SPI1: variants seen among roughly 807,000 people sequenced by gnomAD.
SPI1 encodes transcription factor PU.1.
A neutral mutation model predicts 30.7 loss-of-function variants in SPI1; 3 were observed. The observed-to-expected ratio is 0.10, with a 90% CI of 0.04 to 0.25. The LOEUF (loss-of-function observed/expected upper bound fraction) is 0.25, where lower values mean the gene tolerates loss of function less well. Among genes scored for constraint, SPI1 ranks in the 10% least tolerant of loss-of-function variants. SPI1 has a pLI of 1.00. For synonymous variants in SPI1, 169 were observed against 157.1 expected (o/e 1.08, Z -0.56); for missense variants, 261 against 371.5 (o/e 0.70, Z 2.45).
At chr11:47,363,791 C>T (rs945722135) in intron 2 of SPI1, among the ~76,000 whole-genome samples, 5 of 151,434 alleles carry the variant, frequency 3.3e-5, no homozygotes, top group South Asian at 2.1e-4. Context: ...AGTGAAACCC[C>T]GTCTCTACAA....
At chr11:47,356,342 TCACA>T (rs141558426) in intron 4 of SPI1, among the ~76,000 whole-genome samples, 10 of 149,716 alleles carry the variant, frequency 6.7e-5, no homozygotes, top group East Asian at 4.0e-4. Context: ...CACAACCCAC[TCACA>T]CACACCTGGT....
rs567293718 is a variant in SPI1, at chr11:47,359,592, G to A, written c.330+261C>T. Among the ~76,000 whole-genome samples the A allele has an allele frequency of 9.9e-5, 15 of 152,252 alleles. No homozygotes were observed. The South Asian group carries it at 2.5e-3, about 25-fold the overall frequency. On this transcript the variant is annotated intron_variant, in intron 3 of 4. Transcript: ENST00000378538. The surrounding 1 kb of genome is among the most constrained non-coding windows in gnomAD (Gnocchi z 5.1). ...TGAGGCCCAGGAGGGCCCACAACAA[G>A]GCGTTGGGATGGGGAGGCTTGGTGA... is the stretch of plus-strand genomic sequence containing the variant.
intron 2 of SPI1, among the ~76,000 whole-genome samples, chr11:47,361,207 T>TCA (rs1454538104): frequency 6.6e-6 from 1 of 152,028 alleles, no homozygotes; most frequent in East Asian, 1.9e-4. Flanking sequence ...TCTCTCTGTC[T>TCA]CACACACACA....
chr11:47,366,667 A>G (rs974118939), intron 2 of SPI1, among the ~76,000 whole-genome samples: 1 of 152,122 alleles, frequency 6.6e-6, no homozygotes, highest in African/African-American at 2.4e-5. Flanking sequence ...AAAATAGAAA[A>G]AAAATTAGCT....
At chr11:47,367,635 G>GA (rs1423994426) in intron 2 of SPI1, among the ~76,000 whole-genome samples, 2 of 142,554 alleles carry the variant, frequency 1.4e-5, no homozygotes, top group Non-Finnish European at 1.5e-5. Flanking sequence ...AAAAAAGAAA[G>GA]AAAAAAAGAA....
chr11:47,356,377 C>T (rs1472830905), intron 4 of SPI1, among the ~76,000 whole-genome samples: 4 of 150,270 alleles, frequency 2.7e-5, no homozygotes, highest in Non-Finnish European at 5.9e-5. Context: ...CATGCTCACA[C>T]CTCATTCACA....
In SPI1 at chr11:47,375,636, T is replaced by C; in HGVS notation, c.139A>G (p.Ser47Gly). 1 of 1,613,568 alleles carries C rather than the reference T, an allele frequency of 6.2e-7. No homozygotes were observed. The change falls in exon 2 of 5, where the codon AGC (serine) becomes GGC (glycine). Residue 47 changes from serine to glycine, a missense_variant. Transcript: ENST00000378538. The surrounding 1 kb of genome is among the most constrained non-coding windows in gnomAD (Gnocchi z 4.2). ...PYLSSDGESH[S>G]DHYWDFHPHH... ...GCGTGGCAGGCCCCGTACTCACCGC[T>C]ATGGCTCTCCCCATCACTGCTGAGA...
chr11:47,356,066 C>G (rs1295644124), intron 4 of SPI1, among the ~76,000 whole-genome samples: 1 of 151,788 alleles, frequency 6.6e-6, no homozygotes, highest in African/African-American at 2.4e-5. Flanking sequence ...CAGACTCACA[C>G]CCACATGCTC....
At chr11:47,372,050 C>T (rs2095936621) in intron 2 of SPI1, among the ~76,000 whole-genome samples, 1 of 152,168 alleles carries the variant, frequency 6.6e-6, no homozygotes, top group African/African-American at 2.4e-5. Flanking sequence ...TGAAAGCAGC[C>T]CCCCATGTAG....
At chr11:47,356,981 CAT>C (rs1024220496) in intron 4 of SPI1, among the ~76,000 whole-genome samples, 17 of 146,640 alleles carry the variant, frequency 1.2e-4, no homozygotes, top group Admixed American at 4.1e-4. Flanking sequence ...TGCTCACACA[CAT>C]GCTCACCTAT....
intron 2 of SPI1, among the ~76,000 whole-genome samples, chr11:47,372,068 G>T (rs2095936661): frequency 6.6e-6 from 1 of 151,188 alleles, no homozygotes; most frequent in African/African-American, 2.4e-5. Flanking sequence ...TAGACACTCC[G>T]CATTACATCT....
rs1173793957 is a variant in SPI1 at position 47,378,294 on chromosome 11, A to C, written c.45+15T>G. 2 of 1,613,192 alleles carry C rather than the reference A, an allele frequency of 1.2e-6. No individual in the cohort carries two copies. The highest frequency in any genetic ancestry group is 2.7e-5 in the African/African-American group (2 of 74,992). ...GGGCCACGGGTTGGGCTGGTGGAGG[A>C]GTCCCGGTACTCACAGGGGGGACGA... is the stretch of plus-strand genomic sequence containing the variant. On this transcript the variant is annotated intron_variant, in intron 1 of 4. Coordinates refer to ENST00000378538, the MANE Select transcript of SPI1 (RefSeq NM_003120.3).
At position 47,359,790 on chromosome 11, in the gene SPI1, G is replaced by A; in HGVS notation, c.330+63C>T. The A allele has an allele frequency of 6.4e-7, 1 of 1,554,134 alleles. No individual in the cohort carries two copies. The highest frequency in any genetic ancestry group is 8.7e-7 in the Non-Finnish European group (1 of 1,143,932). ...AGAGCCTGTGTCAGCTTCCTGTGAA[G>A]CTCCCGGGCCCCACCACAGGCCTGG... is the stretch of plus-strand genomic sequence containing the variant. On this transcript the variant is annotated intron_variant, in intron 3 of 4. Coordinates refer to ENST00000378538, the MANE Select transcript of SPI1 (RefSeq NM_003120.3). The surrounding 1 kb of genome is among the most constrained non-coding windows in gnomAD (Gnocchi z 5.1).
chr11:47,371,103 G>A (rs1046831698), intron 2 of SPI1, among the ~76,000 whole-genome samples: 3 of 152,086 alleles, frequency 2.0e-5, no homozygotes, highest in Non-Finnish European at 4.4e-5. Context: ...GCTCACGCCT[G>A]TAATCCCAGC....
Position 47,359,889 on chromosome 11 carries a change from G to A in SPI1, c.294C>T (p.Thr98=), listed in dbSNP as rs2095918151. Residue 98 remains threonine (T), a synonymous_variant, in exon 3 of 5, where the codon ACC becomes ACT. Coordinates refer to ENST00000378538, the MANE Select transcript of SPI1 (RefSeq NM_003120.3). This position sits in a 1 kb window ranked among gnomAD's most constrained non-coding sequence, Gnocchi z 5.1. ...MELEQMHVLD[T]PMVPPHPSLG... ...GACTGGGATGGGGTGGCACCATGGG[G>A]GTATCGAGGACGTGCATCTGCTCCA... The A allele has an allele frequency of 2.0e-5, 32 of 1,608,834 alleles. No homozygotes were observed. Among genetic ancestry groups the A allele is most frequent in the Non-Finnish European group, 2.6e-5 (31 of 1,179,860 alleles).
chr11:47,358,312 T>C, intron 4 of SPI1: 1 of 530,834 alleles, frequency 1.9e-6, no homozygotes, highest in Non-Finnish European at 3.4e-6. Flanking sequence ...CATGCCTGCT[T>C]ACAGCCACTC....
intron 1 of SPI1, among the ~76,000 whole-genome samples, chr11:47,376,486 G>A (rs1398874104): frequency 1.3e-5 from 2 of 152,024 alleles, no homozygotes; most frequent in Non-Finnish European, 1.5e-5. Context: ...GGGGCCGAGC[G>A]CATGGAGGGC....
At chr11:47,360,608 A>G (rs1487666305) in intron 2 of SPI1, among the ~76,000 whole-genome samples, 2 of 151,812 alleles carry the variant, frequency 1.3e-5, no homozygotes, top group Non-Finnish European at 2.9e-5. Flanking sequence ...CGGGCGGATC[A>G]TGAGGTCAGG....
chr11:47,355,227 T>G lies in SPI1; in HGVS notation c.813A>C (p.Ter271CysextTer98). 7.3e-7 allele frequency: 1 copy of G among 1,374,022 alleles called. No individual in the cohort carries two copies. The highest frequency in any genetic ancestry group is 9.4e-7 in the Non-Finnish European group (1 of 1,069,460). 85.1% of individuals were successfully genotyped at this position (1,374,022 alleles called of 1,614,324 possible). The change falls in exon 5 of 5, where the codon TGA becomes TGC. Residue 271 changes from the stop codon to cysteine (C), a stop_lost. Coordinates refer to ENST00000378538, the MANE Select transcript of SPI1 (RefSeq NM_003120.3). ...GCGGGGCCCGGCGGGGGCTGCGGGCTCAGTGGGGCGGGTGGCGCCGCTCGG... is the reference window on the plus strand; with the variant it reads ...GCGGGGCCCGGCGGGGGCTGCGGGCGCAGTGGGGCGGGTGGCGCCGCTCGG... ...GLAERRHPPH[*>C] is the part of the protein sequence containing the mutation.
Sources: allele counts gnomAD v4.1 joint callset (sites outside exome capture counted in the v4.1 genomes callset), GRCh38; gene constraint gnomAD v4.1.1; non-coding constraint Gnocchi (gnomAD v3.1); transcripts MANE v1.5; gene names NCBI Gene and HGNC (gene_info 2026-07-23, HGNC 2026-07-21).